The following GGTA1 variants were observed in gnomAD, a reference collection of about 807,000 sequenced individuals.
GGTA1 encodes glycoprotein alpha-galactosyltransferase 1 (inactive).
Under a neutral mutation model 2.6 loss-of-function variants are expected in GGTA1, and 5 were observed. That is an observed-to-expected ratio of 1.92 (90% confidence interval 1.00 to 4.04). The LOEUF is 4.04. GGTA1 is among the 30% of genes most tolerant of loss of function. The pLI is 0.00. For synonymous variants in GGTA1, 17 were observed against 5.0 expected (o/e 3.38, Z -3.19); for missense variants, 50 against 16.7 (o/e 2.99, Z -3.47).
intron 1 of GGTA1, among the ~76,000 whole-genome samples, chr9:121,499,137 C>T (rs1829053414): frequency 6.6e-6 from 1 of 152,012 alleles, no homozygotes; most frequent in Non-Finnish European, 1.5e-5. Context: ...TCTCTGACAT[C>T]TCCCTCTCTA....
intron 5 of GGTA1, among the ~76,000 whole-genome samples, chr9:121,456,909 C>T (rs1038048775): frequency 2.0e-5 from 3 of 151,656 alleles, no homozygotes; most frequent in Admixed American, 2.0e-4. Flanking sequence ...TGGACACAAG[C>T]AATCCTCCTG....
rs1472464822 is a variant in GGTA1 at position 121,491,435 on chromosome 9, T to C, written c.-10+8215A>G. Among the ~76,000 whole-genome samples, 8 of 152,144 alleles carry C rather than the reference T, an allele frequency of 5.3e-5. No individual in the cohort carries two copies. In the East Asian group the frequency reaches 1.5e-3, roughly 29 times the overall value. On this transcript the variant is annotated intron_variant, in intron 1 of 5. Transcript: ENST00000481799. The stretch of plus-strand genomic sequence containing the variant: ...GCTGGAGGAAGAGCAGGACGATTGA[T>C]TCTCCTTGCTTCTTCCCTCTGCCTG...
At chr9:121,445,578 T>A (rs2064848633) in exon 8 of GGTA1, 1 of 152,164 alleles carries the variant, frequency 6.6e-6, no homozygotes, top group African/African-American at 2.4e-5. Flanking sequence ...TTTACATTGA[T>A]TTGGTTAACT....
At chr9:121,467,735 T>C (rs1469475333) in intron 2 of GGTA1, 108 bp downstream of exon 2, 1 of 376,960 alleles carries the variant, frequency 2.7e-6, no homozygotes, top group Non-Finnish European at 5.2e-6. Context: ...TTATTTATGG[T>C]TTTAGTTAAT....
chr9:121,465,655 C>T (rs1039462804), intron 2 of GGTA1, among the ~76,000 whole-genome samples: 1 of 152,142 alleles, frequency 6.6e-6, no homozygotes. Flanking sequence ...TGGCCATCTG[C>T]CAGCCAGGAA....
rs769020694 is a variant in GGTA1, at chr9:121,455,828, C to T, written c.*9G>A. 4 of 454,288 alleles carry T rather than the reference C, an allele frequency of 8.8e-6. No homozygotes were observed. The highest frequency in any genetic ancestry group is 4.7e-5 in the South Asian group (3 of 64,188). The allele number at this position is 454,288 out of a possible 1,614,324, so 28.1% of individuals were successfully genotyped here. A position where few individuals can be genotyped will look rare whatever the true frequency, so the allele number is the denominator to read the frequency against. On this transcript the variant is annotated 3_prime_UTR_variant, in exon 6 of 6. Transcript: ENST00000481799. ...AAAACCAGAGTCCAGTTTAGTTATTCGGATTCCTTCAAGCTGGAAGAAAAA... is the reference window on the plus strand; with the variant it reads ...AAAACCAGAGTCCAGTTTAGTTATTTGGATTCCTTCAAGCTGGAAGAAAAA...
In GGTA1 at chr9:121,499,766, C is replaced by G. The variant is rs1397765634; in HGVS notation, c.-126G>C. ...CGCGCTCTGATCAGCCACCGCGCCGCCTCCGCCCGAGCGGAGGCGCGTCCT... is the reference window on the plus strand; with the variant it reads ...CGCGCTCTGATCAGCCACCGCGCCGGCTCCGCCCGAGCGGAGGCGCGTCCT... On this transcript the variant is annotated 5_prime_UTR_variant, in exon 1 of 6. Transcript: ENST00000481799. 1 of 152,020 alleles carries G rather than the reference C, an allele frequency of 6.6e-6. No homozygotes were observed. The highest frequency in any genetic ancestry group is 1.5e-5 in the Non-Finnish European group (1 of 68,024). 9.4% of individuals were successfully genotyped at this position (152,020 alleles called of 1,614,324 possible). A position where few individuals can be genotyped will look rare whatever the true frequency, so the allele number is the denominator to read the frequency against.
downstream of GGTA1, among the ~76,000 whole-genome samples, chr9:121,453,699 G>T (rs1012496391): frequency 6.6e-6 from 1 of 152,200 alleles, no homozygotes; most frequent in Non-Finnish European, 1.5e-5. Flanking sequence ...GCACTGCCGT[G>T]GTCCTGGTGA....
chr9:121,447,089 A>G (rs1390315115), exon 8 of GGTA1: 1 of 152,454 alleles, frequency 6.6e-6, no homozygotes, highest in Non-Finnish European at 1.5e-5. Context: ...CTTCTATGTC[A>G]TTTTTCTTGT....
At chr9:121,467,565 A>G (rs920071) in intron 2 of GGTA1, among the ~76,000 whole-genome samples, 90,704 of 152,080 alleles carry the variant, frequency 0.6, 27,507 homozygotes, top group South Asian at 0.72. Flanking sequence ...ATTGGGCCTA[A>G]TTTGATCTCA....
chr9:121,457,710 A>AAG (rs1554836287), intron 5 of GGTA1, among the ~76,000 whole-genome samples: 1 of 150,220 alleles, frequency 6.7e-6, no homozygotes, highest in Non-Finnish European at 1.5e-5. Flanking sequence ...TAAAAAAAAA[A>AAG]AAAAAACAGT....
At chr9:121,470,121 A>G (rs963501935) in intron 1 of GGTA1, among the ~76,000 whole-genome samples, 2 of 152,122 alleles carry the variant, frequency 1.3e-5, no homozygotes, top group East Asian at 1.9e-4. Context: ...TTTTTTCCTG[A>G]GCTTTTCCTG....
At chr9:121,494,367 G>T (rs190944934) in intron 1 of GGTA1, among the ~76,000 whole-genome samples, 30 of 152,358 alleles carry the variant, frequency 2.0e-4, no homozygotes, top group Admixed American at 1.8e-3. Context: ...AAACTCTCAT[G>T]GCCGGGTCTG....
chr9:121,452,504 CTTTT>C (rs906271341), downstream of GGTA1, among the ~76,000 whole-genome samples: 1 of 149,110 alleles, frequency 6.7e-6, no homozygotes, highest in Admixed American at 6.7e-5. Flanking sequence ...TGAGGGCTAT[CTTTT>C]TTTTTTATTT....
At chr9:121,460,906 A>G (rs2064955406) in intron 4 of GGTA1, among the ~76,000 whole-genome samples, 1 of 152,060 alleles carries the variant, frequency 6.6e-6, no homozygotes. Flanking sequence ...GTTAACTGAA[A>G]CAAAACAAAA....
intron 1 of GGTA1, among the ~76,000 whole-genome samples, chr9:121,496,757 A>AAAAAGAG (rs1554838784): frequency 2.7e-5 from 3 of 111,988 alleles, no homozygotes; most frequent in Non-Finnish European, 4.1e-5. Flanking sequence ...AAAAAAAAAA[A>AAAAAGAG]AGAGAGAGAG....
At chr9:121,477,573 C>CT (rs34446366) in intron 1 of GGTA1, among the ~76,000 whole-genome samples, 91,659 of 101,484 alleles carry the variant, frequency 0.9, 42,713 homozygotes, top group Non-Finnish European at 0.97. Flanking sequence ...TGCAACCTTG[C>CT]TTTTTTTTTT....
intron 7 of GGTA1, among the ~76,000 whole-genome samples, chr9:121,449,758 G>A (rs757751445): frequency 8.0e-5 from 12 of 149,388 alleles, no homozygotes; most frequent in African/African-American, 2.7e-4. Flanking sequence ...GAGAATTGCC[G>A]GAACCTGGGA....
chr9:121,446,555 T>C (rs978082807), exon 8 of GGTA1: 11 of 152,218 alleles, frequency 7.2e-5, no homozygotes, highest in African/African-American at 2.7e-4. Flanking sequence ...CCCCTTACAA[T>C]CATATCTTGC....
Sources: gnomAD v4.1 joint callset for allele counts (sites outside exome capture counted in the v4.1 genomes callset) on GRCh38, gnomAD v4.1.1 for gene constraint, MANE v1.5 for transcripts, NCBI Gene and HGNC (gene_info 2026-07-23, HGNC 2026-07-21) for gene names.